APBB1IP: variants seen among roughly 807,000 people sequenced by gnomAD.
APBB1IP encodes the protein amyloid beta precursor protein binding family B member 1 interacting protein.
APBB1IP carries 27 observed loss-of-function variants against 64.9 expected under a neutral mutation model. That is an observed-to-expected ratio of 0.42 (90% CI 0.31 to 0.57). APBB1IP has a LOEUF of 0.57. Ranked by LOEUF, APBB1IP falls within the 20% of genes least tolerant of loss-of-function variation. The pLI is 0.20. For synonymous variants in APBB1IP, 392 were observed against 331.0 expected (o/e 1.18, Z -2.00); for missense variants, 812 against 845.5 (o/e 0.96, Z 0.49).
chr10:26,558,783 T>C (rs1186113421), intron 11 of APBB1IP, among the ~76,000 whole-genome samples: 1 of 151,964 alleles, frequency 6.6e-6, no homozygotes, highest in Non-Finnish European at 1.5e-5. Context: ...TCTTAAAAAA[T>C]AATAAAAATT....
chr10:26,473,999 C>CAA lies in APBB1IP; in HGVS notation c.1-18306_1-18305dup, dbSNP rs35712977. Among the ~76,000 whole-genome samples the CAA allele has an allele frequency of 7.5e-3, 499 of 66,710 alleles. 6 individuals are homozygous for CAA. The highest frequency in any genetic ancestry group is 0.024 in the African/African-American group (435 of 17,772). The allele number at this position is 66,710 out of a possible 152,430, so 43.8% of individuals were successfully genotyped here. A position where few individuals can be genotyped will look rare whatever the true frequency, so the allele number is the denominator to read the frequency against. On this transcript the variant is annotated intron_variant, in intron 2 of 14. Transcript: ENST00000376236. ...CCTGGGTGACAGAGCCACCCTGTCTCAAAAAAAAAAAAAAAAAAAAAAAGT... is the reference window on the plus strand; with the variant it reads ...CCTGGGTGACAGAGCCACCCTGTCTCAAAAAAAAAAAAAAAAAAAAAAAAAGT...
intron 11 of APBB1IP, among the ~76,000 whole-genome samples, chr10:26,554,523 TTCTTA>T (rs1836870886): frequency 6.6e-6 from 1 of 152,228 alleles, no homozygotes; most frequent in Non-Finnish European, 1.5e-5. Context: ...GTTTCTTCTC[TTCTTA>T]TAAGAACGTG....
chr10:26,496,195 T>A (rs1386668203), intron 3 of APBB1IP, 109 bp from the exon 4 acceptor site: 1 of 796,812 alleles, frequency 1.3e-6, no homozygotes, highest in African/African-American at 1.7e-5. Context: ...GAGAACACAC[T>A]AAGGGAGAAA....
intron 2 of APBB1IP, among the ~76,000 whole-genome samples, chr10:26,482,321 G>A (rs1835844714): frequency 6.6e-6 from 1 of 152,180 alleles, no homozygotes; most frequent in African/African-American, 2.4e-5. Context: ...CTACACAGAA[G>A]CCTCGGCTTC....
chr10:26,566,308 G>T (rs1157645715), intron 14 of APBB1IP, among the ~76,000 whole-genome samples: 1 of 152,198 alleles, frequency 6.6e-6, no homozygotes, highest in African/African-American at 2.4e-5. Flanking sequence ...AGGCTGGAGT[G>T]CAATGGCATG....
intron 8 of APBB1IP, among the ~76,000 whole-genome samples, chr10:26,525,679 G>A (rs1836465307): frequency 6.6e-6 from 1 of 152,098 alleles, no homozygotes; most frequent in Admixed American, 6.5e-5. Context: ...TTATGGCTGA[G>A]GTCGCTATTG....
chr10:26,545,396 G>A (rs1218089023), intron 11 of APBB1IP, among the ~76,000 whole-genome samples: 1 of 152,134 alleles, frequency 6.6e-6, no homozygotes, highest in Non-Finnish European at 1.5e-5. Flanking sequence ...AGGCCAAGGC[G>A]GATGGATCAC....
chr10:26,439,548 A>C (rs571922394), intron 2 of APBB1IP, among the ~76,000 whole-genome samples: 1 of 152,348 alleles, frequency 6.6e-6, no homozygotes, highest in Non-Finnish European at 1.5e-5. Flanking sequence ...AATGTCTCCA[A>C]GAACCTCTGC....
intron 2 of APBB1IP, among the ~76,000 whole-genome samples, chr10:26,472,789 T>G (rs1277281066): frequency 6.6e-6 from 1 of 151,918 alleles, no homozygotes; most frequent in Admixed American, 6.6e-5. Flanking sequence ...ATACAAAAAT[T>G]AGCCAGGCAT....
chr10:26,521,812 A>G (rs1334490925), intron 8 of APBB1IP, among the ~76,000 whole-genome samples: 3 of 152,166 alleles, frequency 2.0e-5, no homozygotes, highest in Non-Finnish European at 2.9e-5. Context: ...GTGTAGTGGC[A>G]TGATTACGAC....
At chr10:26,464,113 C>T (rs182951903) in intron 2 of APBB1IP, among the ~76,000 whole-genome samples, 2 of 152,290 alleles carry the variant, frequency 1.3e-5, no homozygotes, top group Admixed American at 6.5e-5. Context: ...CCATACTGGA[C>T]TCCACATTTT....
At chr10:26,513,072 A>G (rs1836280783) in intron 7 of APBB1IP, among the ~76,000 whole-genome samples, 1 of 152,230 alleles carries the variant, frequency 6.6e-6, no homozygotes, top group South Asian at 2.1e-4. Flanking sequence ...CACCTCACGT[A>G]GAATGTTTGC....
intron 9 of APBB1IP, among the ~76,000 whole-genome samples, chr10:26,533,870 C>T (rs1403902419): frequency 6.6e-6 from 1 of 151,996 alleles, no homozygotes; most frequent in African/African-American, 2.4e-5. Context: ...AAGATGCTCT[C>T]TCAACATTTT....
At chr10:26,502,356 C>T (rs1418648519) in intron 5 of APBB1IP, among the ~76,000 whole-genome samples, 1 of 152,146 alleles carries the variant, frequency 6.6e-6, no homozygotes, top group Non-Finnish European at 1.5e-5. Flanking sequence ...ATTTCAGTCT[C>T]TTGGGCCAGG....
At chr10:26,532,925 T>G (rs991840516) in intron 8 of APBB1IP, among the ~76,000 whole-genome samples, 2 of 152,188 alleles carry the variant, frequency 1.3e-5, no homozygotes, top group Non-Finnish European at 2.9e-5. Context: ...GCAGTTCTTT[T>G]AAAAAATAAA....
At chr10:26,514,927 A>G (rs574487224) in intron 8 of APBB1IP, among the ~76,000 whole-genome samples, 31 of 151,096 alleles carry the variant, frequency 2.1e-4, no homozygotes, top group South Asian at 4.2e-4. Context: ...GCTGGAGTGC[A>G]GTGGTGCAAT....
intron 8 of APBB1IP, among the ~76,000 whole-genome samples, chr10:26,526,044 G>A (rs923119114): frequency 2.0e-5 from 3 of 152,218 alleles, no homozygotes; most frequent in African/African-American, 7.2e-5. Flanking sequence ...AGGAAAAGGT[G>A]AGAGGGACCT....
rs955394698 is a variant in APBB1IP at position 26,506,258 on chromosome 10, G to C, written c.531+2984G>C. 1.3e-4 allele frequency among the ~76,000 whole-genome samples: 18 copies of C among 139,444 alleles called. 1 individual carries two copies. In the East Asian group the frequency reaches 2.5e-3, roughly 20 times the overall value. The allele number at this position is 139,444 out of a possible 152,430, so 91.5% of individuals were successfully genotyped here. On this transcript the variant is annotated intron_variant, in intron 6 of 14. Coordinates refer to ENST00000376236, the MANE Select transcript of APBB1IP (RefSeq NM_019043.4). Reference sequence around the variant, plus strand: ...ACACTACCGTGTGTGTGTGGGGGGGGGGGGTGGGGGGCAAGGTCTTGCTCT... The same window carrying C: ...ACACTACCGTGTGTGTGTGGGGGGGCGGGGTGGGGGGCAAGGTCTTGCTCT...
At chr10:26,487,226 C>T (rs1016226019) in intron 2 of APBB1IP, among the ~76,000 whole-genome samples, 5 of 150,000 alleles carry the variant, frequency 3.3e-5, no homozygotes, top group Non-Finnish European at 5.9e-5. Flanking sequence ...CTCTCTCTCT[C>T]TCTCTTTTAA....
Sources: gnomAD v4.1 joint callset for allele counts (sites outside exome capture counted in the v4.1 genomes callset) on GRCh38, gnomAD v4.1.1 for gene constraint, MANE v1.5 for transcripts, NCBI Gene and HGNC (gene_info 2026-07-23, HGNC 2026-07-21) for gene names.